The following FGD2 variants were observed in gnomAD, a reference collection of about 807,000 sequenced individuals.
The protein encoded by FGD2 is FYVE, RhoGEF and PH domain-containing protein 2.
A neutral mutation model predicts 75.9 loss-of-function variants in FGD2; 52 were observed. The ratio of observed to expected loss-of-function variants is 0.69; its 90% CI spans 0.55 to 0.86. FGD2 has a LOEUF of 0.86. Among genes scored for constraint, FGD2 ranks in the 40% least tolerant of loss-of-function variants. FGD2 has a pLI of 0.00. For missense variants in FGD2, 790 were observed against 872.0 expected (o/e 0.91, Z 1.18); for synonymous variants, 347 against 348.6 (o/e 1.00, Z 0.05).
At chr6:37,022,748 C>T (rs966058462) in intron 13 of FGD2, 8 of 210,078 alleles carry the variant, frequency 3.8e-5, no homozygotes, top group Non-Finnish European at 6.8e-5. Context: ...CTACCTGGGC[C>T]TCTACCCACC....
At chr6:37,027,834 C>G (rs923205334) in intron 15 of FGD2, 114 bp from the exon 16 acceptor site, 2 of 1,241,666 alleles carry the variant, frequency 1.6e-6, no homozygotes, top group Non-Finnish European at 2.3e-6. Flanking sequence ...CCACCCCCAA[C>G]CCATGGGGGT....
rs751628822 is a variant in FGD2 at position 37,027,971 on chromosome 6, C to A, written c.1776C>A (p.Ile592=). The change falls in exon 16 of 16, where the codon ATC becomes ATA. Residue 592 remains isoleucine, a synonymous_variant. Coordinates refer to ENST00000274963, the MANE Select transcript of FGD2 (RefSeq NM_173558.4). ...AGGACATGAGGGCTCACACCTCCAT[C>A]CCCCTGCTGGGCTACCAGGTGACTG... is the stretch of plus-strand genomic sequence containing the variant. ...APQDMRAHTS[I]PLLGYQVTVG... 2.5e-6 allele frequency: 4 copies of A among 1,613,930 alleles called. No homozygotes were observed. The African/African-American group carries it at 5.3e-5, about 22-fold the overall frequency.
intron 1 of FGD2, 138 bp downstream of exon 1, chr6:37,006,023 C>G: frequency 1.0e-6 from 1 of 964,550 alleles, no homozygotes; most frequent in Non-Finnish European, 1.6e-6. Flanking sequence ...TCACGGATTC[C>G]TTGGAGCATG....
At chr6:37,027,919 A>G (rs1275756034) in intron 15 of FGD2, 29 bp from the exon 16 acceptor site, 3 of 1,606,988 alleles carry the variant, frequency 1.9e-6, no homozygotes, top group Admixed American at 1.7e-5. Context: ...GAGAGGGGAC[A>G]GTGGCCCACT....
At chr6:37,011,355 G>A (rs948318554) in intron 3 of FGD2, 5 of 553,490 alleles carry the variant, frequency 9.0e-6, no homozygotes, top group South Asian at 4.5e-5. Flanking sequence ...ACCTCACAAC[G>A]ATCTTACCTT....
intron 2 of FGD2, among the ~76,000 whole-genome samples, chr6:37,010,734 C>G (rs1347357122): frequency 1.3e-5 from 2 of 152,192 alleles, no homozygotes; most frequent in Non-Finnish European, 2.9e-5. Context: ...GCTCCCAAGA[C>G]AGCACAGGTG....
intron 12 of FGD2, 97 bp downstream of exon 12, chr6:37,021,701 G>A: frequency 9.0e-7 from 1 of 1,112,442 alleles, no homozygotes. Context: ...GGGAGAGGGA[G>A]TGTCATCTGC....
Position 37,027,503 on chromosome 6 carries a change from G to A in FGD2, c.1680G>A (p.Lys560=). The A allele has an allele frequency of 1.9e-6, 3 of 1,614,116 alleles. No individual in the cohort carries two copies. The highest frequency in any genetic ancestry group is 2.5e-6 in the Non-Finnish European group (3 of 1,179,976). The change falls in exon 15 of 16, where the codon AAG becomes AAA. Residue 560 remains lysine, a synonymous_variant. Coordinates refer to ENST00000274963, the MANE Select transcript of FGD2 (RefSeq NM_173558.4). ...AGCTCATCGGGGACAAGTGGGGCAA[G>A]AGCGGCCCCCGGGGCTGGTGTGTGA... The part of the protein sequence containing the change: ...FLQLIGDKWG[K]SGPRGWCVIP...
rs150215244 is a variant in FGD2, at chr6:37,006,306, G to C, written c.68+421G>C. ...ATGCCAAATAAAATGTGGTGGTTGT[G>C]GGGGAGGCATTACAGGTAAAGCTGG... is the stretch of plus-strand genomic sequence containing the variant. On this transcript the variant is annotated intron_variant, in intron 1 of 15. Transcript: ENST00000274963. Among the ~76,000 whole-genome samples, 7 of 152,310 alleles carry C rather than the reference G, an allele frequency of 4.6e-5. No homozygotes were observed. In the South Asian group the frequency reaches 6.2e-4, roughly 14 times the overall value.
At chr6:37,011,209 T>C in intron 3 of FGD2, 159 bp downstream of exon 3, 1 of 688,742 alleles carries the variant, frequency 1.5e-6, no homozygotes, top group South Asian at 1.7e-5. Context: ...GGGGTTGGGG[T>C]AGAATCAGGA....
rs1224943061 is a variant in FGD2 at position 37,028,166 on chromosome 6, C to T, written c.*3C>T. 1.9e-6 allele frequency: 3 copies of T among 1,556,730 alleles called. No individual in the cohort carries two copies. Among genetic ancestry groups the T allele is most frequent in the Admixed American group, 1.9e-5 (1 of 52,728 alleles). ...ACGATGGGGACCTGTCCGACTGAGC[C>T]ACTGCCAGCCGCTCTCCTGCCCACC... is the stretch of plus-strand genomic sequence containing the variant. On this transcript the variant is annotated 3_prime_UTR_variant, in exon 16 of 16. Coordinates refer to ENST00000274963, the MANE Select transcript of FGD2 (RefSeq NM_173558.4).
intron 9 of FGD2, among the ~76,000 whole-genome samples, chr6:37,020,081 G>A (rs1286683106): frequency 2.0e-5 from 3 of 151,984 alleles, no homozygotes; most frequent in Non-Finnish European, 2.9e-5. Context: ...CAAACTCCTG[G>A]CCTCTAGTGA....
At chr6:37,014,826 GGCAA>G in intron 7 of FGD2, 62 bp from the exon 8 acceptor site, 2 of 1,609,818 alleles carry the variant, frequency 1.2e-6, no homozygotes, top group Non-Finnish European at 1.7e-6. Flanking sequence ...GTCCCCACAA[GGCAA>G]GCCTTCCAGA....
intron 2 of FGD2, among the ~76,000 whole-genome samples, chr6:37,010,552 C>T (rs1308797521): frequency 3.3e-5 from 5 of 152,182 alleles, no homozygotes; most frequent in African/African-American, 1.2e-4. Flanking sequence ...CAAGACAGCT[C>T]AGCTCGCAAG....
At chr6:37,021,255 C>T (rs138714161) in intron 11 of FGD2, among the ~76,000 whole-genome samples, 11 of 152,246 alleles carry the variant, frequency 7.2e-5, no homozygotes, top group Non-Finnish European at 1.6e-4. Flanking sequence ...ATCTGGGTTC[C>T]TATCTTGCTG....
intron 4 of FGD2, among the ~76,000 whole-genome samples, chr6:37,012,690 T>C (rs1765066988): frequency 1.4e-5 from 2 of 141,440 alleles, no homozygotes; most frequent in Non-Finnish European, 3.0e-5. Flanking sequence ...CCAGCCTGGG[T>C]GACAGAGAGA....
At position 37,013,999 on chromosome 6, in the gene FGD2, A is replaced by C. The variant is rs143497870; in HGVS notation, c.722A>C (p.His241Pro). ...TCGGGCAGCCTGACCCTGCAGCACC[A>C]CATGCTGGAACCAGTGCAGAGAATT... Reference protein sequence around the residue: ...EASGSLTLQHHMLEPVQRIPR... With the variant: ...EASGSLTLQHPMLEPVQRIPR... The change falls in exon 6 of 16, where the codon CAC becomes CCC. Residue 241 changes from histidine to proline, a missense_variant. Coordinates refer to ENST00000274963, the MANE Select transcript of FGD2 (RefSeq NM_173558.4). 9.9e-6 allele frequency: 16 copies of C among 1,613,892 alleles called. No homozygotes were observed. Among genetic ancestry groups the C allele is most frequent in the African/African-American group, 1.3e-5 (1 of 74,904 alleles).
chr6:37,025,930 A>G lies in FGD2; in HGVS notation c.1597A>G (p.Ile533Val), dbSNP rs775950185. ...GGCCAAGGAGGACAAGAGGCGGGGC[A>G]TCCTGGAGGTGAGGGCCACTGTCCC... is the stretch of plus-strand genomic sequence containing the variant. Reference protein sequence around the residue: ...PEAKEDKRRGILEKGSSATPD... With the variant: ...PEAKEDKRRGVLEKGSSATPD... Residue 533 changes from isoleucine to valine, a missense_variant, in exon 14 of 16, where the codon ATC (isoleucine) becomes GTC (valine). By Grantham distance (29) the Ile-to-Val change is conservative. Coordinates refer to ENST00000274963, the MANE Select transcript of FGD2 (RefSeq NM_173558.4). 2 of 1,614,102 alleles carry G rather than the reference A, an allele frequency of 1.2e-6. No homozygotes were observed. Among genetic ancestry groups the G allele is most frequent in the Non-Finnish European group, 1.7e-6 (2 of 1,180,010 alleles).
At chr6:37,022,195 G>A (rs746270811) in intron 12 of FGD2, 44 bp from the exon 13 acceptor site, 1 of 1,576,740 alleles carries the variant, frequency 6.3e-7, no homozygotes. Flanking sequence ...GGCGGAAGAA[G>A]GTCACCAAGG....
Sources: gnomAD v4.1 joint callset for allele counts (sites outside exome capture counted in the v4.1 genomes callset) on GRCh38, gnomAD v4.1.1 for gene constraint, MANE v1.5 for transcripts, NCBI Gene and HGNC (gene_info 2026-07-23, HGNC 2026-07-21) for gene names.